Variants in DTNB observed in about 807,000 individuals in gnomAD.
The protein encoded by DTNB is dystrobrevin beta, also known as DTN-B.
DTNB carries 63 observed loss-of-function variants against 90.7 expected under a neutral mutation model. That is an observed-to-expected ratio of 0.69 (90% CI 0.57 to 0.86). The LOEUF is 0.86. Among genes scored for constraint, DTNB ranks in the 40% least tolerant of loss-of-function variants. DTNB has a pLI of 0.00. For synonymous variants in DTNB, 277 were observed against 286.7 expected, an observed-to-expected ratio of 0.97 and a Z score of 0.34; for missense variants, 744 against 807.1, an observed-to-expected ratio of 0.92 and a Z score of 0.95.
At chr2:25,407,459 G>C (rs1161362712) in intron 16 of DTNB, among the ~76,000 whole-genome samples, 1 of 152,144 alleles carries the variant, frequency 6.6e-6, no homozygotes, top group Non-Finnish European at 1.5e-5. Context: ...ATATGAAAAA[G>C]ACACACGCAC....
chr2:25,397,981 G>C (rs1205235594), intron 16 of DTNB, among the ~76,000 whole-genome samples: 1 of 151,980 alleles, frequency 6.6e-6, no homozygotes, highest in Non-Finnish European at 1.5e-5. Flanking sequence ...GAGGACTCAG[G>C]AATCTCCCTC....
chr2:25,639,224 A>T, intron 2 of DTNB, 130 bp from the exon 3 acceptor site: 1 of 770,444 alleles, frequency 1.3e-6, no homozygotes, highest in Non-Finnish European at 1.9e-6. Flanking sequence ...CGGTGGGTCA[A>T]TTAAAACAAC....
Position 25,616,152 on chromosome 2 carries a change from T to C in DTNB, c.363-8831A>G, listed in dbSNP as rs545355966. Among the ~76,000 whole-genome samples, 19 of 152,298 alleles carry C rather than the reference T, an allele frequency of 1.2e-4. No homozygotes were observed. In the South Asian group the frequency reaches 3.7e-3, roughly 30 times the overall value. ...TTCCTTGCTGCAGAAAAGAAACTGTTGCTATCTATGCAGACAGACAGGAAA... is the reference window on the plus strand; with the variant it reads ...TTCCTTGCTGCAGAAAAGAAACTGTCGCTATCTATGCAGACAGACAGGAAA... On this transcript the variant is annotated intron_variant, in intron 4 of 20. Coordinates refer to ENST00000406818, the MANE Select transcript of DTNB (RefSeq NM_021907.5).
chr2:25,537,686 A>G (rs1351258082), intron 8 of DTNB, among the ~76,000 whole-genome samples: 1 of 152,228 alleles, frequency 6.6e-6, no homozygotes, highest in African/African-American at 2.4e-5. Flanking sequence ...TTAGGAGGCT[A>G]CTATAACAAA....
At chr2:25,423,144 C>T (rs1269439859) in intron 15 of DTNB, among the ~76,000 whole-genome samples, 1 of 152,050 alleles carries the variant, frequency 6.6e-6, no homozygotes, top group Non-Finnish European at 1.5e-5. Context: ...TTGCAGGGAG[C>T]CAAGATTGTG....
chr2:25,417,976 G>A (rs1440776452), intron 16 of DTNB, among the ~76,000 whole-genome samples: 1 of 152,336 alleles, frequency 6.6e-6, no homozygotes, highest in East Asian at 1.9e-4. Flanking sequence ...CAATGAAATG[G>A]AGAGGAAGTG....
rs748191785 is a variant in DTNB, at chr2:25,387,341, T to A, written c.1773A>T (p.Ala591=). Reference sequence around the variant, plus strand: ...ACATGGTGTTGGTGATGGAGTCAGCTGCCACCAGCAGGTCATTGCGGAGGT... The same window carrying A: ...ACATGGTGTTGGTGATGGAGTCAGCAGCCACCAGCAGGTCATTGCGGAGGT... ...RRNLRNDLLV[A]ADSITNTMSS... is the part of the protein sequence containing the mutation. Residue 591 remains alanine (A), a synonymous_variant, in exon 18 of 21, where the codon GCA becomes GCT. Coordinates refer to ENST00000406818, the MANE Select transcript of DTNB (RefSeq NM_021907.5). This position sits in a 1 kb window ranked among gnomAD's most constrained non-coding sequence, Gnocchi z 4.5. 1 of 1,612,122 alleles carries A rather than the reference T, an allele frequency of 6.2e-7. No individual in the cohort carries two copies. The highest frequency in any genetic ancestry group is 8.5e-7 in the Non-Finnish European group (1 of 1,179,244).
chr2:25,458,834 A>G (rs1223764906), intron 10 of DTNB, among the ~76,000 whole-genome samples: 1 of 151,950 alleles, frequency 6.6e-6, no homozygotes, highest in African/African-American at 2.4e-5. Flanking sequence ...TTTAGTAGAG[A>G]CGGGGTTTCA....
chr2:25,536,415 T>C (rs1029618312), intron 8 of DTNB, among the ~76,000 whole-genome samples: 5 of 148,054 alleles, frequency 3.4e-5, no homozygotes, highest in South Asian at 4.3e-4. Context: ...CTGGGCAACA[T>C]TGAGCAATGA....
At chr2:25,412,288 A>G (rs898650169) in intron 16 of DTNB, among the ~76,000 whole-genome samples, 2 of 152,036 alleles carry the variant, frequency 1.3e-5, no homozygotes, top group Non-Finnish European at 2.9e-5. Flanking sequence ...GTAGGTGGGT[A>G]TTTGTCTGGG....
Position 25,387,839 on chromosome 2 carries a change from C to T in DTNB, c.1735+363G>A, listed in dbSNP as rs1168266140. ...CTGTGACAATGGCGTGCATACTGTG[C>T]TTTCAGCACGGTCCCAGTTACAGTG... is the stretch of plus-strand genomic sequence containing the variant. On this transcript the variant is annotated intron_variant, in intron 17 of 20. Coordinates refer to ENST00000406818, the MANE Select transcript of DTNB (RefSeq NM_021907.5). The surrounding 1 kb of genome is among the most constrained non-coding windows in gnomAD (Gnocchi z 4.5). 6.6e-6 allele frequency among the ~76,000 whole-genome samples: 1 copy of T among 152,258 alleles called. No individual in the cohort carries two copies.
At chr2:25,420,736 G>A (rs1218544416) in intron 15 of DTNB, among the ~76,000 whole-genome samples, 1 of 152,122 alleles carries the variant, frequency 6.6e-6, no homozygotes, top group Non-Finnish European at 1.5e-5. Flanking sequence ...GCCTACCTTG[G>A]CCTCCCAAAG....
intron 10 of DTNB, among the ~76,000 whole-genome samples, chr2:25,471,964 T>C (rs2062894619): frequency 6.6e-6 from 1 of 152,204 alleles, no homozygotes. Flanking sequence ...AGAGGAATAA[T>C]ACCTTTCTTT....
chr2:25,464,602 T>G (rs2061487859), intron 10 of DTNB, among the ~76,000 whole-genome samples: 1 of 152,150 alleles, frequency 6.6e-6, no homozygotes, highest in Admixed American at 6.5e-5. Flanking sequence ...CCCCTGCCCT[T>G]GAGTATGAAC....
intron 4 of DTNB, among the ~76,000 whole-genome samples, chr2:25,619,842 C>G (rs538798067): frequency 6.6e-6 from 1 of 152,136 alleles, no homozygotes; most frequent in Admixed American, 6.5e-5. Context: ...GAGTTTGAGA[C>G]CAGCCTGACC....
chr2:25,422,016 A>G (rs2049880141), intron 15 of DTNB, among the ~76,000 whole-genome samples: 1 of 152,178 alleles, frequency 6.6e-6, no homozygotes, highest in African/African-American at 2.4e-5. Flanking sequence ...AAACTCACAA[A>G]ACTTATTCAG....
At chr2:25,597,905 A>AC in intron 5 of DTNB, among the ~76,000 whole-genome samples, 1 of 152,312 alleles carries the variant, frequency 6.6e-6, no homozygotes, top group East Asian at 1.9e-4. Flanking sequence ...ACAACAGAAA[A>AC]AACAGAGGCA....
At chr2:25,507,027 A>T (rs2072630111) in intron 9 of DTNB, among the ~76,000 whole-genome samples, 3 of 152,316 alleles carry the variant, frequency 2.0e-5, no homozygotes, top group South Asian at 2.1e-4. Context: ...AAAGAATTTT[A>T]AAAAAAGAAT....
At chr2:25,607,581 C>T (rs2067412292) in intron 4 of DTNB, among the ~76,000 whole-genome samples, 1 of 152,040 alleles carries the variant, frequency 6.6e-6, no homozygotes, top group Non-Finnish European at 1.5e-5. Context: ...GGCTATGTAG[C>T]AGAGGTCAAA....
Sources: allele counts gnomAD v4.1 joint callset (sites outside exome capture counted in the v4.1 genomes callset), GRCh38; gene constraint gnomAD v4.1.1; non-coding constraint Gnocchi (gnomAD v3.1); transcripts MANE v1.5; gene names NCBI Gene and HGNC (gene_info 2026-07-23, HGNC 2026-07-21).